Variants in ZSCAN25 observed in about 807,000 individuals in gnomAD.
The protein encoded by ZSCAN25 is zinc finger and SCAN domain-containing protein 25.
A neutral mutation model predicts 38.7 loss-of-function variants in ZSCAN25; 27 were observed. The observed-to-expected ratio is 0.70, with a 90% CI of 0.51 to 0.96. The LOEUF is 0.96. Ranked by LOEUF, ZSCAN25 falls within the 40% of genes least tolerant of loss-of-function variation. ZSCAN25 has a pLI of 0.00. For synonymous variants in ZSCAN25, 273 were observed against 277.7 expected, an observed-to-expected ratio of 0.98 and a Z score of 0.17; for missense variants, 637 against 705.9, an observed-to-expected ratio of 0.90 and a Z score of 1.11.
At chr7:99,715,632 C>A in the ZSCAN25 span, 1 of 1,504,472 alleles carries the variant, frequency 6.6e-7, no homozygotes, top group Admixed American at 1.7e-5. Flanking sequence ...TCGTACATAT[C>A]TTCAAATGTA....
At chr7:99,677,230 G>A in the ZSCAN25 span, 4 of 985,450 alleles carry the variant, frequency 4.1e-6, no homozygotes, top group Non-Finnish European at 4.8e-6. Flanking sequence ...GTGACTGAGG[G>A]ATGGAAAACT....
the ZSCAN25 span, among the ~76,000 whole-genome samples, chr7:99,695,413 T>C: frequency 6.6e-6 from 1 of 152,142 alleles, no homozygotes; most frequent in Admixed American, 6.5e-5. Flanking sequence ...CTCTTAATAC[T>C]AACTAAATAT....
At chr7:99,709,309 C>T in the ZSCAN25 span, 1 of 1,589,904 alleles carries the variant, frequency 6.3e-7, no homozygotes. Context: ...TTTGAATTAA[C>T]TTTTAACTCA....
At chr7:99,624,031 T>C in intron 6 of ZSCAN25, 26 bp from the exon 7 acceptor site, 1 of 1,614,106 alleles carries the variant, frequency 6.2e-7, no homozygotes. Flanking sequence ...TCTTTCTTTA[T>C]TCATAGCAAT....
chr7:99,723,508 GT>G, the ZSCAN25 span, among the ~76,000 whole-genome samples: 1 of 152,094 alleles, frequency 6.6e-6, no homozygotes, highest in Non-Finnish European at 1.5e-5. Context: ...CTGCACCCAG[GT>G]GATTAAAAAG....
chr7:99,733,756 T>G, the ZSCAN25 span, among the ~76,000 whole-genome samples: 1 of 152,202 alleles, frequency 6.6e-6, no homozygotes, highest in Non-Finnish European at 1.5e-5. Flanking sequence ...ATTTTCTCAC[T>G]TCATCTTGAT....
the ZSCAN25 span, chr7:99,659,182 G>C: frequency 6.6e-6 from 1 of 152,172 alleles, no homozygotes; most frequent in Non-Finnish European, 1.5e-5. Context: ...CAGTTTTTCT[G>C]CTGTTTTTCC....
At chr7:99,690,425 C>T in the ZSCAN25 span, among the ~76,000 whole-genome samples, 1 of 152,146 alleles carries the variant, frequency 6.6e-6, no homozygotes, top group African/African-American at 2.4e-5. Context: ...GCAATGGCAA[C>T]AAAAGCCAAA....
chr7:99,711,471 T>G, the ZSCAN25 span, among the ~76,000 whole-genome samples: 1 of 152,152 alleles, frequency 6.6e-6, no homozygotes. Flanking sequence ...ATCTGTGACC[T>G]TATTAGAAAT....
At position 99,629,336 on chromosome 7, in the gene ZSCAN25, T is replaced by C. The variant is rs1160612817; in HGVS notation, c.951T>C (p.Pro317=). ...GRVCEQEPGG[P]AGSAPGLPPP... ...TCTGTGAGCAGGAGCCTGGTGGCCC[T>C]GCAGGCAGTGCGCCTGGGCTTCCTC... Residue 317 remains proline, a synonymous_variant, in exon 8 of 8, where the codon CCT becomes CCC. Coordinates refer to ENST00000394152, the MANE Select transcript of ZSCAN25 (RefSeq NM_145115.3). The surrounding 1 kb of genome is among the most constrained non-coding windows in gnomAD (Gnocchi z 5.6). The C allele has an allele frequency of 6.2e-7, 1 of 1,614,174 alleles. No homozygotes were observed. Among genetic ancestry groups the C allele is most frequent in the Non-Finnish European group, 8.5e-7 (1 of 1,180,022 alleles).
chr7:99,707,144 G>A, the ZSCAN25 span, among the ~76,000 whole-genome samples: 2 of 152,184 alleles, frequency 1.3e-5, no homozygotes, highest in Admixed American at 1.3e-4. Flanking sequence ...AAGATTAGCA[G>A]AGTTATAATT....
At chr7:99,725,781 C>T in the ZSCAN25 span, among the ~76,000 whole-genome samples, 4 of 152,204 alleles carry the variant, frequency 2.6e-5, no homozygotes, top group African/African-American at 7.2e-5. Context: ...CGGAGAATCA[C>T]GGATGCCAAA....
the ZSCAN25 span, among the ~76,000 whole-genome samples, chr7:99,683,563 T>C: frequency 6.6e-6 from 1 of 152,206 alleles, no homozygotes; most frequent in East Asian, 1.9e-4. Flanking sequence ...CAGTATACTT[T>C]ATTTACTTAT....
At chr7:99,674,442 T>C in the ZSCAN25 span, 1 of 940,800 alleles carries the variant, frequency 1.1e-6, no homozygotes, top group East Asian at 2.5e-5. Flanking sequence ...AAGAGCTTCA[T>C]CCCATGAAGA....
the ZSCAN25 span, among the ~76,000 whole-genome samples, chr7:99,649,765 C>T: frequency 5.3e-5 from 8 of 152,306 alleles, no homozygotes; most frequent in Admixed American, 2.0e-4. Flanking sequence ...GCCAGGTAAT[C>T]ATTGCACTTC....
chr7:99,730,171 A>G, the ZSCAN25 span, among the ~76,000 whole-genome samples: 1 of 152,326 alleles, frequency 6.6e-6, no homozygotes, highest in East Asian at 1.9e-4. Context: ...TTAGGCACAA[A>G]GGCTCGACCA....
the ZSCAN25 span, among the ~76,000 whole-genome samples, chr7:99,692,808 A>C: frequency 2.0e-5 from 3 of 152,038 alleles, no homozygotes; most frequent in Non-Finnish European, 4.4e-5. Flanking sequence ...CCTTTTTCCA[A>C]GGTTGTTAGC....
intron 7 of ZSCAN25, among the ~76,000 whole-genome samples, chr7:99,627,620 AAAG>A (rs1179879730): frequency 6.6e-6 from 1 of 152,082 alleles, no homozygotes; most frequent in African/African-American, 2.4e-5. Flanking sequence ...AACAGGCAAA[AAAG>A]TCCAGACAAT....
the ZSCAN25 span, among the ~76,000 whole-genome samples, chr7:99,688,380 T>C: frequency 1.3e-5 from 2 of 152,170 alleles, no homozygotes; most frequent in East Asian, 3.9e-4. Context: ...TCCTAGTCTC[T>C]GATAAAACAG....
Sources: gnomAD v4.1 joint callset for allele counts (sites outside exome capture counted in the v4.1 genomes callset) on GRCh38, gnomAD v4.1.1 for gene constraint, Gnocchi (gnomAD v3.1) non-coding constraint, MANE v1.5 for transcripts, NCBI Gene and HGNC (gene_info 2026-07-23, HGNC 2026-07-21) for gene names.